The following RIMS2 variants were observed in gnomAD, a reference collection of about 807,000 sequenced individuals.
The protein encoded by RIMS2 is regulating synaptic membrane exocytosis protein 2.
Under a neutral mutation model 174.4 loss-of-function variants are expected in RIMS2, and 59 were observed. That is an observed-to-expected ratio of 0.34 (90% confidence interval 0.27 to 0.42). The LOEUF (loss-of-function observed/expected upper bound fraction) is 0.42, where lower values mean the gene tolerates loss of function less well. Ranked by LOEUF, RIMS2 falls within the 10% of genes least tolerant of loss-of-function variation. The pLI is 1.00. For missense variants in RIMS2, 1,620 were observed against 1,666.3 expected (o/e 0.97, Z 0.48); for synonymous variants, 606 against 572.5 (o/e 1.06, Z -0.84).
chr8:103,726,271 A>G (rs1268291208), intron 2 of RIMS2, among the ~76,000 whole-genome samples: 1 of 152,222 alleles, frequency 6.6e-6, no homozygotes, highest in Non-Finnish European at 1.5e-5. Flanking sequence ...TATAGGATGT[A>G]TCCCCATTGT....
At chr8:103,762,291 A>G (rs933654747) in intron 2 of RIMS2, among the ~76,000 whole-genome samples, 1 of 152,062 alleles carries the variant, frequency 6.6e-6, no homozygotes. Flanking sequence ...TGAACCCTGT[A>G]TGTTTTGTAT....
chr8:104,180,433 G>C (rs1030831023), intron 19 of RIMS2, among the ~76,000 whole-genome samples: 2 of 150,284 alleles, frequency 1.3e-5, no homozygotes, highest in Non-Finnish European at 3.0e-5. Context: ...CTCAACAACA[G>C]ATTATTAATT....
At chr8:103,795,939 C>A (rs560844771) in intron 3 of RIMS2, among the ~76,000 whole-genome samples, 1 of 152,126 alleles carries the variant, frequency 6.6e-6, no homozygotes, top group Admixed American at 6.5e-5. Flanking sequence ...ATACTTCCTC[C>A]GAAAGTAGCA....
chr8:104,118,559 G>C (rs1191364142), intron 19 of RIMS2, among the ~76,000 whole-genome samples: 2 of 151,668 alleles, frequency 1.3e-5, no homozygotes, highest in Non-Finnish European at 2.9e-5. Context: ...AGTGGAGATG[G>C]GGTTTCACCA....
intron 19 of RIMS2, among the ~76,000 whole-genome samples, chr8:104,187,424 G>A (rs1423663830): frequency 7.2e-5 from 11 of 151,804 alleles, no homozygotes; most frequent in African/African-American, 9.7e-5. Context: ...TGCTAGGGAA[G>A]TATCAACGCA....
intron 13 of RIMS2, among the ~76,000 whole-genome samples, chr8:103,939,498 C>T (rs2082051508): frequency 6.6e-6 from 1 of 152,222 alleles, no homozygotes; most frequent in African/African-American, 2.4e-5. Flanking sequence ...CCTAGGCCTC[C>T]AGGCCTGTGA....
intron 19 of RIMS2, among the ~76,000 whole-genome samples, chr8:104,152,096 A>G (rs1028891284): frequency 1.3e-5 from 2 of 152,172 alleles, no homozygotes; most frequent in African/African-American, 2.4e-5. Context: ...TTGACCATAC[A>G]TTGAGATTCT....
At chr8:104,251,735 T>C (rs1436126380) in exon 24 of RIMS2, 1 of 1,612,230 alleles carries the variant, frequency 6.2e-7, no homozygotes, top group East Asian at 2.2e-5. Flanking sequence ...TCCTCCCTAG[T>C]AGATCCAACC....
At chr8:103,766,790 A>T (rs1488959350) in intron 3 of RIMS2, among the ~76,000 whole-genome samples, 1 of 152,200 alleles carries the variant, frequency 6.6e-6, no homozygotes, top group East Asian at 1.9e-4. Context: ...TAAAACAGGG[A>T]ACTTAGAAGT....
chr8:103,943,027 G>A, intron 14 of RIMS2, 101 bp downstream of exon 16: 1 of 840,162 alleles, frequency 1.2e-6, no homozygotes, highest in Non-Finnish European at 1.8e-6. Flanking sequence ...AATATTAATA[G>A]TCATTTGTTA....
intron 19 of RIMS2, among the ~76,000 whole-genome samples, chr8:104,022,475 C>A (rs117055603): frequency 6.6e-6 from 1 of 151,990 alleles, no homozygotes; most frequent in Non-Finnish European, 1.5e-5. Flanking sequence ...CTCCCCCTCC[C>A]GGCTCAAGGG....
chr8:103,965,927 T>C (rs758004173), intron 15 of RIMS2, among the ~76,000 whole-genome samples: 29 of 152,118 alleles, frequency 1.9e-4, no homozygotes, highest in Non-Finnish European at 3.5e-4. Context: ...TTATAGCCTG[T>C]TGATGTGGTG....
intron 13 of RIMS2, among the ~76,000 whole-genome samples, chr8:103,940,475 G>A (rs879082230): frequency 6.6e-6 from 1 of 152,018 alleles, no homozygotes; most frequent in Admixed American, 6.6e-5. Context: ...AGATTTGGGT[G>A]GGAACACAAC....
At chr8:103,686,823 G>A (rs1429586237) in intron 1 of RIMS2, among the ~76,000 whole-genome samples, 1 of 151,924 alleles carries the variant, frequency 6.6e-6, no homozygotes, top group Non-Finnish European at 1.5e-5. Flanking sequence ...AGTACAATGT[G>A]CAATCATAGG....
At chr8:103,574,401 A>G (rs916137601) in intron 1 of RIMS2, among the ~76,000 whole-genome samples, 27 of 152,208 alleles carry the variant, frequency 1.8e-4, no homozygotes, top group African/African-American at 6.5e-4. Context: ...TATAAAAGCA[A>G]GCATCTCACA....
intron 19 of RIMS2, among the ~76,000 whole-genome samples, chr8:104,120,189 T>C (rs1333806643): frequency 6.6e-6 from 1 of 152,180 alleles, no homozygotes; most frequent in Non-Finnish European, 1.5e-5. Flanking sequence ...ACAATTAAAA[T>C]CATCATAATG....
At chr8:104,127,242 C>T (rs1315960584) in intron 19 of RIMS2, among the ~76,000 whole-genome samples, 1 of 152,032 alleles carries the variant, frequency 6.6e-6, no homozygotes, top group Non-Finnish European at 1.5e-5. Flanking sequence ...TAAAAGAAAA[C>T]GTTGGCCACT....
Position 104,242,329 on chromosome 8 carries a change from C to A in RIMS2, c.3335-2587C>A, listed in dbSNP as rs560499606. On this transcript the variant is annotated intron_variant, in intron 19 of 23. Transcript: ENST00000504942. ...GCATGTATCTCCTAATAAGAAAATT[C>A]TTTATAATACGTGTCATTATGCACC... Among the ~76,000 whole-genome samples, 7 of 152,158 alleles carry A rather than the reference C, an allele frequency of 4.6e-5. No homozygotes were observed. In the South Asian group the frequency reaches 1.5e-3, roughly 32 times the overall value.
chr8:104,062,754 GT>G (rs1386108577), intron 19 of RIMS2, among the ~76,000 whole-genome samples: 6 of 151,758 alleles, frequency 4.0e-5, no homozygotes, highest in African/African-American at 1.5e-4. Context: ...GGCTTTTTTA[GT>G]TTTGTTCATT....
Sources: allele counts gnomAD v4.1 joint callset (sites outside exome capture counted in the v4.1 genomes callset), GRCh38; gene constraint gnomAD v4.1.1; transcripts MANE v1.5; gene names NCBI Gene and HGNC (gene_info 2026-07-23, HGNC 2026-07-21).